Variants in SORT1 observed in about 807,000 individuals in gnomAD.
The protein encoded by SORT1 is sortilin 1.
SORT1 carries 39 observed loss-of-function variants against 101.7 expected under a neutral mutation model. The observed-to-expected ratio is 0.38, with a 90% CI of 0.30 to 0.50. The LOEUF (loss-of-function observed/expected upper bound fraction) is 0.50. Among genes scored for constraint, SORT1 ranks in the 20% least tolerant of loss-of-function variants. SORT1 has a pLI of 0.90. For missense variants in SORT1, 878 were observed against 1,040.4 expected (o/e 0.84, Z 2.15); for synonymous variants, 396 against 393.7 (o/e 1.01, Z -0.07).
At chr1:109,369,092 G>A (rs570500704) in intron 2 of SORT1, among the ~76,000 whole-genome samples, 219 of 152,138 alleles carry the variant, frequency 1.4e-3, no homozygotes, top group African/African-American at 5.2e-3. Flanking sequence ...AGGCTGAGGC[G>A]CGTGGATCAC....
At chr1:109,336,610 C>T (rs1194943899) in intron 10 of SORT1, among the ~76,000 whole-genome samples, 1 of 152,082 alleles carries the variant, frequency 6.6e-6, no homozygotes, top group Non-Finnish European at 1.5e-5. Context: ...GAGTTTGAGA[C>T]CAGCCTGGCC....
chr1:109,340,141 C>T (rs1166474079), intron 10 of SORT1, among the ~76,000 whole-genome samples: 3 of 94,696 alleles, frequency 3.2e-5, no homozygotes, highest in African/African-American at 1.1e-4. Context: ...AGAGCGATTC[C>T]ATCTCAAAAA....
intron 1 of SORT1, among the ~76,000 whole-genome samples, chr1:109,393,834 A>G (rs1468977416): frequency 6.6e-6 from 1 of 151,952 alleles, no homozygotes; most frequent in Non-Finnish European, 1.5e-5. Flanking sequence ...TACAAATACA[A>G]TATTACATAT....
chr1:109,394,187 TTTTG>T lies in SORT1; in HGVS notation c.306+3396_306+3399del, dbSNP rs1462141412. Among the ~76,000 whole-genome samples the T allele has an allele frequency of 5.9e-5, 9 of 152,300 alleles. No individual in the cohort carries two copies. The East Asian group carries it at 9.6e-4, about 16-fold the overall frequency. On this transcript the variant is annotated intron_variant, in intron 1 of 19. Coordinates refer to ENST00000256637, the MANE Select transcript of SORT1 (RefSeq NM_002959.7). ...TTCTCCTTCGTTTTCTTGTCATCCCTTTTGTTTGTTTTTTTAGTAATAGCCAGTA... is the reference window on the plus strand; with the variant it reads ...TTCTCCTTCGTTTTCTTGTCATCCCTTTTGTTTTTTTAGTAATAGCCAGTA...
intron 11 of SORT1, among the ~76,000 whole-genome samples, chr1:109,335,243 C>G (rs904178365): frequency 2.6e-5 from 4 of 152,278 alleles, no homozygotes; most frequent in South Asian, 2.1e-4. Flanking sequence ...CCATTCATCA[C>G]AGGCCAAGAG....
intron 1 of SORT1, among the ~76,000 whole-genome samples, chr1:109,374,638 G>A (rs1408348530): frequency 1.3e-5 from 2 of 151,624 alleles, no homozygotes; most frequent in Non-Finnish European, 2.9e-5. Flanking sequence ...TAGACTTGTA[G>A]AAATGAGTAT....
chr1:109,343,946 G>C (rs562672025), intron 8 of SORT1, among the ~76,000 whole-genome samples: 1 of 152,092 alleles, frequency 6.6e-6, no homozygotes, highest in Non-Finnish European at 1.5e-5. Context: ...CACCATGCTC[G>C]GCCCAAAACA....
At chr1:109,346,084 G>A (rs1302770395) in intron 7 of SORT1, among the ~76,000 whole-genome samples, 1 of 152,030 alleles carries the variant, frequency 6.6e-6, no homozygotes, top group East Asian at 1.9e-4. Context: ...GGCTGAGGTG[G>A]GCGGATCACG....
intron 10 of SORT1, among the ~76,000 whole-genome samples, chr1:109,336,710 G>A (rs1000608160): frequency 6.6e-6 from 1 of 151,782 alleles, no homozygotes; most frequent in African/African-American, 2.4e-5. Flanking sequence ...TCGGGAGGCC[G>A]GGACAGGAGA....
Position 109,348,582 on chromosome 1 carries a change from C to T in SORT1, c.783-1050G>A, listed in dbSNP as rs192186673. Among the ~76,000 whole-genome samples the T allele has an allele frequency of 3.2e-3, 490 of 152,214 alleles. 3 individuals are homozygous for T. The highest frequency in any genetic ancestry group is 5.5e-3 in the Non-Finnish European group (373 of 68,010). On this transcript the variant is annotated intron_variant, in intron 6 of 19. Coordinates refer to ENST00000256637, the MANE Select transcript of SORT1 (RefSeq NM_002959.7). ...CAGCTCACTGCAGCCTCGAACTCCT[C>T]GGCTAAAGTGATCCTCCCATCTCAT...
chr1:109,314,012 C>T lies in SORT1; in HGVS notation c.*31G>A. 6.2e-7 allele frequency: 1 copy of T among 1,611,320 alleles called. No individual in the cohort carries two copies. The highest frequency in any genetic ancestry group is 8.5e-7 in the Non-Finnish European group (1 of 1,177,612). On this transcript the variant is annotated 3_prime_UTR_variant, in exon 20 of 20. Transcript: ENST00000256637. ...AGTGTAAGAGGTACTGTGGTTCCAC[C>T]ATCCATGCTGGGTCCAGCTCCTCTG...
intron 1 of SORT1, chr1:109,392,991 G>A (rs988084740): frequency 2.3e-5 from 23 of 985,348 alleles, no homozygotes; most frequent in Non-Finnish European, 2.8e-5. Flanking sequence ...GAAGAAATGA[G>A]GCAGTTAGGA....
chr1:109,363,593 T>C (rs1344840322), intron 3 of SORT1, among the ~76,000 whole-genome samples: 3 of 152,222 alleles, frequency 2.0e-5, no homozygotes, highest in African/African-American at 7.2e-5. Flanking sequence ...TCTAATTCTG[T>C]ATATCAACAG....
intron 1 of SORT1, chr1:109,393,058 C>T (rs919475899): frequency 2.0e-6 from 2 of 985,356 alleles, no homozygotes; most frequent in Non-Finnish European, 2.4e-6. Context: ...AAAGGTCTGG[C>T]GATTCACAAC....
chr1:109,352,346 G>A (rs894879386), intron 5 of SORT1, among the ~76,000 whole-genome samples: 5 of 152,156 alleles, frequency 3.3e-5, no homozygotes, highest in Non-Finnish European at 4.4e-5. Flanking sequence ...TTAAGGGTAG[G>A]CTGAAAGGAG....
chr1:109,390,835 A>C (rs1393670304), intron 1 of SORT1, among the ~76,000 whole-genome samples: 1 of 151,850 alleles, frequency 6.6e-6, no homozygotes, highest in African/African-American at 2.4e-5. Context: ...GAAGACTAAA[A>C]TGCTTATCCA....
chr1:109,368,103 G>A (rs995030140), intron 2 of SORT1, among the ~76,000 whole-genome samples: 1 of 152,000 alleles, frequency 6.6e-6, no homozygotes, highest in African/African-American at 2.4e-5. Context: ...AGACTAGCCT[G>A]GCTAACATGG....
Position 109,393,432 on chromosome 1 carries a change from A to T in SORT1, c.306+4155T>A, listed in dbSNP as rs1236075840. 3.5e-5 allele frequency: 14 copies of T among 399,870 alleles called. No individual in the cohort carries two copies. The Admixed American group carries it at 9.0e-4, about 26-fold the overall frequency. 24.8% of individuals were successfully genotyped at this position (399,870 alleles called of 1,614,324 possible). On this transcript the variant is annotated intron_variant, in intron 1 of 19. Transcript: ENST00000256637. ...TAAGGAAATTATGTCAGCCACCACC[A>T]CAACTCTGGCCAAGGCATTTCATCT... is the stretch of plus-strand genomic sequence containing the variant.
Position 109,344,358 on chromosome 1 carries a change from G to A in SORT1, c.963+1393C>T, listed in dbSNP as rs185069698. Among the ~76,000 whole-genome samples, 473 of 152,278 alleles carry A rather than the reference G, an allele frequency of 3.1e-3. 2 individuals carry two copies. Among genetic ancestry groups the A allele is most frequent in the Non-Finnish European group, 5.8e-3 (394 of 68,026 alleles). ...CAGCTCCCAACACAAGAAGAGTAAGGCCCACATCCTAATTGTGATCTACAA... is the reference window on the plus strand; with the variant it reads ...CAGCTCCCAACACAAGAAGAGTAAGACCCACATCCTAATTGTGATCTACAA... On this transcript the variant is annotated intron_variant, in intron 8 of 19. Coordinates refer to ENST00000256637, the MANE Select transcript of SORT1 (RefSeq NM_002959.7).
Sources: gnomAD v4.1 joint callset for allele counts (sites outside exome capture counted in the v4.1 genomes callset) on GRCh38, gnomAD v4.1.1 for gene constraint, MANE v1.5 for transcripts, NCBI Gene and HGNC (gene_info 2026-07-23, HGNC 2026-07-21) for gene names.